The following DAPK1 variants were observed in gnomAD, a reference collection of about 807,000 sequenced individuals.
DAPK1 encodes the protein death-associated protein kinase 1.
In DAPK1, 56 loss-of-function variants were observed where a neutral mutation model predicts 144.9. The observed-to-expected ratio is 0.39, with a 90% CI of 0.31 to 0.48. The LOEUF (loss-of-function observed/expected upper bound fraction) is 0.48. Ranked by LOEUF, DAPK1 falls within the 20% of genes least tolerant of loss-of-function variation. The pLI is 0.95. For synonymous variants in DAPK1, 690 were observed against 749.0 expected (o/e 0.92, Z 1.29); for missense variants, 1,454 against 1,875.4 (o/e 0.78, Z 4.15).
intron 17 of DAPK1, 123 bp downstream of exon 17, chr9:87,651,847 C>T (rs1408696769): frequency 1.2e-4 from 91 of 743,548 alleles, no homozygotes; most frequent in Middle Eastern, 3.4e-4. Flanking sequence ...CACCTGATCC[C>T]GGGTCCTGAT....
intron 18 of DAPK1, among the ~76,000 whole-genome samples, chr9:87,663,818 GTTCAGCCTCTGCAAAGGGCTTCCGCA>G (rs1389388730): frequency 2.0e-5 from 3 of 152,088 alleles, no homozygotes; most frequent in Non-Finnish European, 2.9e-5. Flanking sequence ...CCTCCCCAGT[GTTCAGCCTCTGCAAAGGGCTTCCGCA>G]TCTGTCTGTC....
At chr9:87,630,702 G>A (rs1480811143) in intron 3 of DAPK1, among the ~76,000 whole-genome samples, 1 of 152,156 alleles carries the variant, frequency 6.6e-6, no homozygotes, top group Admixed American at 6.5e-5. Context: ...GGGTAGTATG[G>A]TGGGAACACA....
intron 3 of DAPK1, among the ~76,000 whole-genome samples, chr9:87,611,177 A>ATTTT (rs1828911486): frequency 1.3e-5 from 2 of 150,980 alleles, no homozygotes; most frequent in South Asian, 4.2e-4. Flanking sequence ...TTTTTTTAAA[A>ATTTT]AATATACAGT....
chr9:87,686,515 C>G lies in DAPK1; in HGVS notation c.2225-36C>G. On this transcript the variant is annotated intron_variant, in intron 20 of 25. Coordinates refer to ENST00000408954, the MANE Select transcript of DAPK1 (RefSeq NM_004938.4). This position sits in a 1 kb window ranked among gnomAD's most constrained non-coding sequence, Gnocchi z 4.2. ...GGAGGGAGACAGGCACACGCTGCCC[C>G]CATCGAGTACTCATGTGATCCTTTC... 6.5e-6 allele frequency: 8 copies of G among 1,235,288 alleles called. No individual in the cohort carries two copies. Among genetic ancestry groups the G allele is most frequent in the Non-Finnish European group, 9.3e-6 (8 of 861,074 alleles). The allele number at this position is 1,235,288 out of a possible 1,614,324, so 76.5% of individuals were successfully genotyped here.
intron 2 of DAPK1, among the ~76,000 whole-genome samples, chr9:87,529,725 A>G (rs1305776512): frequency 6.6e-6 from 1 of 152,252 alleles, no homozygotes; most frequent in Non-Finnish European, 1.5e-5. Flanking sequence ...CCTTGACTGC[A>G]TTGAGGCTGC....
intron 2 of DAPK1, among the ~76,000 whole-genome samples, chr9:87,600,558 A>G (rs1233986847): frequency 6.6e-6 from 1 of 152,210 alleles, no homozygotes; most frequent in Non-Finnish European, 1.5e-5. Context: ...GCATCACCAC[A>G]CTACAGCCTG....
intron 22 of DAPK1, among the ~76,000 whole-genome samples, chr9:87,697,925 C>T (rs543693415): frequency 1.2e-4 from 19 of 152,198 alleles, no homozygotes; most frequent in African/African-American, 3.1e-4. Flanking sequence ...CTGCACTTAG[C>T]CTGGGTGACA....
At chr9:87,541,149 T>G (rs1461018360) in intron 2 of DAPK1, among the ~76,000 whole-genome samples, 1 of 152,198 alleles carries the variant, frequency 6.6e-6, no homozygotes, top group East Asian at 1.9e-4. Flanking sequence ...TAGTAAACAT[T>G]GGATATTGGT....
At chr9:87,600,752 C>T (rs1828486990) in intron 2 of DAPK1, among the ~76,000 whole-genome samples, 2 of 152,188 alleles carry the variant, frequency 1.3e-5, no homozygotes, top group African/African-American at 2.4e-5. Context: ...CATTGAACAG[C>T]CCCAGCTGTA....
At chr9:87,508,765 A>G (rs1281631648) in intron 2 of DAPK1, among the ~76,000 whole-genome samples, 2 of 152,072 alleles carry the variant, frequency 1.3e-5, no homozygotes, top group Non-Finnish European at 2.9e-5. Flanking sequence ...TTCCCCATTC[A>G]TGAAAATGAT....
chr9:87,653,259 C>A (rs1025683605), intron 17 of DAPK1, among the ~76,000 whole-genome samples: 1 of 151,918 alleles, frequency 6.6e-6, no homozygotes, highest in Non-Finnish European at 1.5e-5. Context: ...GTCCATCCCC[C>A]CAATCCTGGG....
chr9:87,689,600 C>T (rs534108794), intron 21 of DAPK1, among the ~76,000 whole-genome samples: 4 of 152,000 alleles, frequency 2.6e-5, no homozygotes, highest in Non-Finnish European at 5.9e-5. Context: ...GGACCAATGT[C>T]CTGAAGCCTG....
intron 2 of DAPK1, among the ~76,000 whole-genome samples, chr9:87,557,895 G>T (rs1826775640): frequency 6.6e-6 from 1 of 152,102 alleles, no homozygotes; most frequent in South Asian, 2.1e-4. Context: ...GAGCTGAGAT[G>T]ATGACATTGC....
At chr9:87,573,425 C>CACAGTGAT (rs1222809818) in intron 2 of DAPK1, among the ~76,000 whole-genome samples, 1 of 152,186 alleles carries the variant, frequency 6.6e-6, no homozygotes, top group Non-Finnish European at 1.5e-5. Flanking sequence ...GTTCATTGCA[C>CACAGTGAT]ACAGTGATAC....
At chr9:87,692,523 G>A (rs12004644) in intron 21 of DAPK1, among the ~76,000 whole-genome samples, 43,550 of 151,890 alleles carry the variant, frequency 0.29, 8,097 homozygotes, top group East Asian at 0.57. Context: ...TTATTAATTG[G>A]TTTTTTGTTG....
intron 2 of DAPK1, among the ~76,000 whole-genome samples, chr9:87,564,175 C>T (rs910238324): frequency 8.5e-5 from 13 of 152,136 alleles, no homozygotes; most frequent in Non-Finnish European, 1.8e-4. Flanking sequence ...TGATGCTGAC[C>T]TCTGTAGGAA....
intron 20 of DAPK1, among the ~76,000 whole-genome samples, chr9:87,685,283 T>G (rs1824798141): frequency 6.6e-6 from 1 of 152,178 alleles, no homozygotes; most frequent in South Asian, 2.1e-4. Flanking sequence ...GATCCACTTT[T>G]CTTCTCCTCA....
chr9:87,701,791 T>TAGACACC, intron 24 of DAPK1: 1 of 458,520 alleles, frequency 2.2e-6, no homozygotes, highest in South Asian at 1.6e-5. Context: ...ATTCTGGTTC[T>TAGACACC]AGATGTGCTT....
intron 18 of DAPK1, among the ~76,000 whole-genome samples, chr9:87,660,748 T>A (rs186823724): frequency 6.6e-6 from 1 of 152,366 alleles, no homozygotes; most frequent in East Asian, 1.9e-4. Context: ...GTTTTCTGTG[T>A]CTCAGTTGTT....
Sources: gnomAD v4.1 joint callset for allele counts (sites outside exome capture counted in the v4.1 genomes callset) on GRCh38, gnomAD v4.1.1 for gene constraint, Gnocchi (gnomAD v3.1) non-coding constraint, MANE v1.5 for transcripts, NCBI Gene and HGNC (gene_info 2026-07-23, HGNC 2026-07-21) for gene names.